Variants in NFATC2 observed in about 807,000 individuals in gnomAD.
NFATC2 encodes nuclear factor of activated T cells 2.
A neutral mutation model predicts 87.3 loss-of-function variants in NFATC2; 22 were observed. The observed-to-expected ratio is 0.25, with a 90% CI of 0.18 to 0.36. NFATC2 has a LOEUF of 0.36. Ranked by LOEUF, NFATC2 falls within the 10% of genes least tolerant of loss-of-function variation. The pLI, the probability that NFATC2 is intolerant of heterozygous loss-of-function variation, is 1.00. For missense variants in NFATC2, 1,149 were observed against 1,259.1 expected, an observed-to-expected ratio of 0.91 and a Z score of 1.32; for synonymous variants, 565 against 542.2, an observed-to-expected ratio of 1.04 and a Z score of -0.58.
At chr20:51,500,581 T>C (rs2076061442) in intron 3 of NFATC2, among the ~76,000 whole-genome samples, 1 of 150,244 alleles carries the variant, frequency 6.7e-6, no homozygotes, top group Non-Finnish European at 1.5e-5. Flanking sequence ...TGGGCTGAGG[T>C]TGCACAGCGA....
chr20:51,560,507 G>A (rs2077011940), intron 1 of NFATC2, among the ~76,000 whole-genome samples: 1 of 152,146 alleles, frequency 6.6e-6, no homozygotes, highest in Admixed American at 6.5e-5. Flanking sequence ...TTTTTTAAAT[G>A]CAAATATTTC....
upstream of NFATC2, chr20:51,562,812 G>C (rs541721278): frequency 1.1e-5 from 6 of 558,834 alleles, no homozygotes; most frequent in Admixed American, 6.3e-5. The surrounding 1 kb of genome is among the most constrained non-coding windows in gnomAD (Gnocchi z 5.8). Context: ...GCGCGGCTCC[G>C]CGATCCGGCT....
chr20:51,545,779 C>T (rs780086426), upstream of NFATC2, among the ~76,000 whole-genome samples: 14 of 150,892 alleles, frequency 9.3e-5, no homozygotes, highest in South Asian at 2.1e-4. Flanking sequence ...GGTGGATGGA[C>T]GGATGGATGG....
At chr20:51,425,659 C>T (rs1981698538) in intron 9 of NFATC2, among the ~76,000 whole-genome samples, 1 of 152,226 alleles carries the variant, frequency 6.6e-6, no homozygotes, top group South Asian at 2.1e-4. Flanking sequence ...ACTGAGGGGC[C>T]CTAGTGAAAG....
At chr20:51,508,395 G>A (rs112203786) in intron 3 of NFATC2, among the ~76,000 whole-genome samples, 79 of 152,266 alleles carry the variant, frequency 5.2e-4, no homozygotes, top group African/African-American at 1.7e-3. Flanking sequence ...TCCCTCAGCC[G>A]GGGACACGTG....
At chr20:51,521,563 C>T (rs560666842) in intron 2 of NFATC2, among the ~76,000 whole-genome samples, 5 of 152,304 alleles carry the variant, frequency 3.3e-5, no homozygotes, top group Admixed American at 2.6e-4. Flanking sequence ...TCAGGTGATT[C>T]GCCCACCTCG....
intron 3 of NFATC2, 94 bp downstream of exon 3, chr20:51,516,690 C>T (rs1329911386): frequency 3.7e-6 from 5 of 1,353,830 alleles, no homozygotes; most frequent in Admixed American, 4.6e-5. Flanking sequence ...GAGACACATA[C>T]CTCACCTTAA....
At chr20:51,522,362 G>A (rs2076460397) in intron 2 of NFATC2, among the ~76,000 whole-genome samples, 1 of 152,176 alleles carries the variant, frequency 6.6e-6, no homozygotes, top group South Asian at 2.1e-4. Flanking sequence ...GGTGCCCAAT[G>A]AGAAAGAGGG....
intron 9 of NFATC2, among the ~76,000 whole-genome samples, chr20:51,418,333 G>C (rs1310514405): frequency 6.6e-6 from 1 of 152,224 alleles, no homozygotes; most frequent in Admixed American, 6.5e-5. Context: ...CTGCCCCCCA[G>C]GGGATACTTG....
chr20:51,426,130 C>G (rs6067767), intron 9 of NFATC2, among the ~76,000 whole-genome samples: 79,640 of 151,944 alleles, frequency 0.52, 22,934 homozygotes, highest in Non-Finnish European at 0.64. Context: ...TTTTCTCCTA[C>G]ACAAATAGAT....
At chr20:51,461,828 C>A (rs747001818) in intron 5 of NFATC2, among the ~76,000 whole-genome samples, 7 of 152,206 alleles carry the variant, frequency 4.6e-5, no homozygotes, top group Admixed American at 4.6e-4. Flanking sequence ...TTAATAACAG[C>A]GGACAGGCTG....
upstream of NFATC2, among the ~76,000 whole-genome samples, chr20:51,543,975 ATTTTTTTTTTTT>A (rs11473264): frequency 1.1e-4 from 8 of 72,978 alleles, no homozygotes; most frequent in African/African-American, 2.3e-4. Flanking sequence ...AGAATTCCTA[ATTTTTTTTTTTT>A]TTTTTTTTTT....
chr20:51,518,012 T>A (rs1430710863), intron 2 of NFATC2, among the ~76,000 whole-genome samples: 1 of 151,954 alleles, frequency 6.6e-6, no homozygotes, highest in African/African-American at 2.4e-5. Flanking sequence ...ATGGGGGGCA[T>A]GATTGTATGT....
In NFATC2 at chr20:51,562,435, C is replaced by A; in HGVS notation, c.70+125G>T. On this transcript the variant is annotated intron_variant, in intron 1 of 10. Transcript: ENST00000414705. This position sits in a 1 kb window ranked among gnomAD's most constrained non-coding sequence, Gnocchi z 5.8. ...CCGCTACCTGTGCGCCGAGGGCGAGCGGGGTCCCCAGGCCTCCCGCACCGA... is the reference window on the plus strand; with the variant it reads ...CCGCTACCTGTGCGCCGAGGGCGAGAGGGGTCCCCAGGCCTCCCGCACCGA... The A allele has an allele frequency of 1.2e-6, 1 of 827,098 alleles. No individual in the cohort carries two copies. The highest frequency in any genetic ancestry group is 3.5e-4 in the Middle Eastern group (1 of 2,840). 51.2% of individuals were successfully genotyped at this position (827,098 alleles called of 1,614,324 possible).
chr20:51,399,250 AAAAAAAGCTCCTGCCCTATCAG>A (rs1305430937), intron 9 of NFATC2: 2 of 154,032 alleles, frequency 1.3e-5, no homozygotes, highest in Non-Finnish European at 2.9e-5. Flanking sequence ...CAACAATGGA[AAAAAAAGCTCCTGCCCTATCAG>A]AACAACGAAG....
At chr20:51,501,397 A>T (rs1487582739) in intron 3 of NFATC2, among the ~76,000 whole-genome samples, 1 of 152,204 alleles carries the variant, frequency 6.6e-6, no homozygotes, top group Non-Finnish European at 1.5e-5. Context: ...CATGGAAACC[A>T]AAAACCTCAT....
At chr20:51,530,009 C>A (rs991069572) in intron 1 of NFATC2, among the ~76,000 whole-genome samples, 2 of 152,072 alleles carry the variant, frequency 1.3e-5, no homozygotes, top group African/African-American at 4.8e-5. Flanking sequence ...TGCCAAATGT[C>A]ATACATTCTT....
upstream of NFATC2, among the ~76,000 whole-genome samples, chr20:51,543,975 ATTTTTTTTTTTTTTTT>A (rs11473264): frequency 9.6e-5 from 7 of 72,958 alleles, no homozygotes; most frequent in African/African-American, 2.3e-4. Context: ...AGAATTCCTA[ATTTTTTTTTTTTTTTT>A]TTTTTTTTTT....
chr20:51,468,227 T>C (rs990035986), intron 5 of NFATC2, among the ~76,000 whole-genome samples: 7 of 152,222 alleles, frequency 4.6e-5, no homozygotes, highest in Admixed American at 6.5e-5. Flanking sequence ...GTGCTCTGTC[T>C]TGAGTGGTGG....
Sources: allele counts gnomAD v4.1 joint callset (sites outside exome capture counted in the v4.1 genomes callset), GRCh38; gene constraint gnomAD v4.1.1; non-coding constraint Gnocchi (gnomAD v3.1); transcripts MANE v1.5; gene names NCBI Gene and HGNC (gene_info 2026-07-23, HGNC 2026-07-21).